CPED1: variants seen among roughly 807,000 people sequenced by gnomAD.
CPED1 encodes cadherin-like and PC-esterase domain-containing protein 1.
In CPED1, 114 loss-of-function variants were observed where a neutral mutation model predicts 128.2. That is an observed-to-expected ratio of 0.89 (90% CI 0.76 to 1.04). CPED1 has a LOEUF of 1.04. Among genes scored for constraint, CPED1 ranks in the 50% least tolerant of loss-of-function variants. The pLI is 0.00. For missense variants in CPED1, 1,211 were observed against 1,207.1 expected, an observed-to-expected ratio of 1.00 and a Z score of -0.05; for synonymous variants, 462 against 426.7, an observed-to-expected ratio of 1.08 and a Z score of -1.02.
At chr7:121,087,778 G>A (rs1021288364) in intron 5 of CPED1, among the ~76,000 whole-genome samples, 1 of 150,088 alleles carries the variant, frequency 6.7e-6, no homozygotes, top group African/African-American at 2.5e-5. Context: ...CTCTGCCTCA[G>A]CCTCCTGAGT....
At chr7:121,184,071 C>T (rs1038174873) in intron 16 of CPED1, among the ~76,000 whole-genome samples, 1 of 151,076 alleles carries the variant, frequency 6.6e-6, no homozygotes, top group Non-Finnish European at 1.5e-5. Context: ...ACCCAGGGGA[C>T]GGAGGTTGCA....
At chr7:121,234,363 A>G (rs1289852056) in intron 16 of CPED1, among the ~76,000 whole-genome samples, 2 of 152,090 alleles carry the variant, frequency 1.3e-5, no homozygotes, top group South Asian at 4.1e-4. Flanking sequence ...GGGTATATAT[A>G]TGCTAAAATA....
chr7:121,102,108 A>G (rs1243689964), intron 7 of CPED1, among the ~76,000 whole-genome samples: 2 of 151,878 alleles, frequency 1.3e-5, no homozygotes, highest in Non-Finnish European at 2.9e-5. Context: ...TTTACTTCTG[A>G]TATTTTTTAC....
chr7:121,147,908 G>T, intron 16 of CPED1, among the ~76,000 whole-genome samples: 1 of 152,122 alleles, frequency 6.6e-6, no homozygotes, highest in East Asian at 1.9e-4. Context: ...TAAATGATGT[G>T]TGAATGACTT....
chr7:121,295,175 A>ACACACACACACACAC (rs1562865931), intron 22 of CPED1, among the ~76,000 whole-genome samples: 5 of 151,586 alleles, frequency 3.3e-5, no homozygotes, highest in South Asian at 2.1e-4. Flanking sequence ...ACACACACAC[A>ACACACACACACACAC]AAGACTAGAA....
chr7:121,294,452 G>T (rs754173877), intron 22 of CPED1, among the ~76,000 whole-genome samples: 6 of 152,036 alleles, frequency 3.9e-5, no homozygotes, highest in Non-Finnish European at 8.8e-5. Context: ...TGAAGGAAGA[G>T]GCCAACAAAT....
chr7:121,119,129 G>A (rs1261487229), intron 7 of CPED1, among the ~76,000 whole-genome samples: 2 of 139,684 alleles, frequency 1.4e-5, no homozygotes, highest in African/African-American at 5.1e-5. Context: ...AAACTATTTG[G>A]AAGAACTTTT....
In CPED1 at chr7:121,241,312, C is replaced by T. The variant is rs1798386824; in HGVS notation, c.2174-2890C>T. 8.0e-5 allele frequency among the ~76,000 whole-genome samples: 3 copies of T among 37,488 alleles called. 1 individual carries two copies. 24.6% of individuals were successfully genotyped at this position (37,488 alleles called of 152,430 possible). A position where few individuals can be genotyped will look rare whatever the true frequency, so the allele number is the denominator to read the frequency against. Reference sequence around the variant, plus strand: ...GCAGTGAGCCGAGATCCCGCCACTGCACTCCAGCCTGGGCGACAGAGCGAG... The same window carrying T: ...GCAGTGAGCCGAGATCCCGCCACTGTACTCCAGCCTGGGCGACAGAGCGAG... On this transcript the variant is annotated intron_variant, in intron 17 of 22. Transcript: ENST00000310396.
At chr7:121,150,544 A>AT (rs1039182786) in intron 16 of CPED1, among the ~76,000 whole-genome samples, 15 of 151,952 alleles carry the variant, frequency 9.9e-5, no homozygotes, top group Non-Finnish European at 1.8e-4. Context: ...TGGTAGAATA[A>AT]TTTTTGTTTT....
chr7:121,265,600 G>T (rs1792106556), intron 18 of CPED1, among the ~76,000 whole-genome samples: 1 of 152,020 alleles, frequency 6.6e-6, no homozygotes, highest in Non-Finnish European at 1.5e-5. Context: ...GTACAGGAAG[G>T]GAGACCCAGT....
chr7:121,161,953 A>G (rs997550192), intron 16 of CPED1, among the ~76,000 whole-genome samples: 4 of 152,230 alleles, frequency 2.6e-5, no homozygotes, highest in African/African-American at 9.6e-5. Context: ...ACTATTGTCT[A>G]TGATTGGAGT....
intron 7 of CPED1, among the ~76,000 whole-genome samples, chr7:121,107,623 G>A (rs1795010349): frequency 6.6e-6 from 1 of 151,970 alleles, no homozygotes; most frequent in African/African-American, 2.4e-5. Context: ...GAAAATAATG[G>A]CAGTAATTGT....
chr7:121,279,299 T>G (rs1792389163), intron 22 of CPED1, among the ~76,000 whole-genome samples: 1 of 151,914 alleles, frequency 6.6e-6, no homozygotes, highest in Non-Finnish European at 1.5e-5. Flanking sequence ...TAAACACACT[T>G]TGAGAAAATT....
intron 18 of CPED1, among the ~76,000 whole-genome samples, chr7:121,246,315 A>AAAG (rs1347316264): frequency 6.6e-6 from 1 of 152,222 alleles, no homozygotes; most frequent in Non-Finnish European, 1.5e-5. Context: ...GTAAAAAGCT[A>AAAG]AAGGCCCTCT....
At chr7:121,195,527 G>A (rs6950995) in intron 16 of CPED1, among the ~76,000 whole-genome samples, 14,493 of 152,100 alleles carry the variant, frequency 0.095, 1,081 homozygotes, top group African/African-American at 0.21. Flanking sequence ...TTGAGAATAT[G>A]AAGTACTGCT....
chr7:121,096,165 T>C (rs1794693828), intron 5 of CPED1, among the ~76,000 whole-genome samples: 15 of 152,112 alleles, frequency 9.9e-5, no homozygotes, highest in Admixed American at 9.8e-4. Flanking sequence ...ATATTTCCTT[T>C]ATTATGATGT....
chr7:121,007,660 C>G (rs1358831169), intron 2 of CPED1, among the ~76,000 whole-genome samples: 1 of 152,172 alleles, frequency 6.6e-6, no homozygotes, highest in Non-Finnish European at 1.5e-5. Context: ...CTTACAGACT[C>G]CCTTTCTGTT....
intron 3 of CPED1, among the ~76,000 whole-genome samples, chr7:121,032,196 A>G (rs75189177): frequency 0.02 from 3,005 of 152,304 alleles, 100 homozygotes; most frequent in African/African-American, 0.069. Flanking sequence ...AAATCTTAAA[A>G]TTAATAATGT....
At chr7:121,002,696 C>T (rs1289893866) in intron 2 of CPED1, among the ~76,000 whole-genome samples, 1 of 152,058 alleles carries the variant, frequency 6.6e-6, no homozygotes, top group African/African-American at 2.4e-5. Context: ...TAAAGTATGA[C>T]CATGTTTGCT....
Sources: gnomAD v4.1 joint callset for allele counts (sites outside exome capture counted in the v4.1 genomes callset) on GRCh38, gnomAD v4.1.1 for gene constraint, MANE v1.5 for transcripts, NCBI Gene and HGNC (gene_info 2026-07-23, HGNC 2026-07-21) for gene names.